VSTM2L: variants seen among roughly 807,000 people sequenced by gnomAD.
VSTM2L encodes the protein V-set and transmembrane domain containing 2 like.
In VSTM2L, 9 loss-of-function variants were observed where a neutral mutation model predicts 19.9. The observed-to-expected ratio is 0.45, with a 90% CI of 0.27 to 0.79. VSTM2L has a LOEUF of 0.79. Ranked by LOEUF, VSTM2L falls within the 30% of genes least tolerant of loss-of-function variation. The pLI, the probability that VSTM2L is intolerant of heterozygous loss-of-function variation, is 0.15. For missense variants in VSTM2L, 286 were observed against 295.5 expected, an observed-to-expected ratio of 0.97 and a Z score of 0.24; for synonymous variants, 127 against 133.8, an observed-to-expected ratio of 0.95 and a Z score of 0.35.
rs534340826 is a variant in VSTM2L, at chr20:37,920,209, G to A, written c.122-11426G>A. On this transcript the variant is annotated intron_variant, in intron 1 of 3. Transcript: ENST00000373461. ...GGTCTGGGTTTGAATCCCAGCTCCTGCTCCTGACTTGCAGTGTGACCTTGT... is the reference window on the plus strand; with the variant it reads ...GGTCTGGGTTTGAATCCCAGCTCCTACTCCTGACTTGCAGTGTGACCTTGT... Among the ~76,000 whole-genome samples, 16 of 152,362 alleles carry A rather than the reference G, an allele frequency of 1.1e-4. No individual in the cohort carries two copies. The South Asian group carries it at 2.7e-3, about 26-fold the overall frequency.
chr20:37,918,163 A>G (rs1308131291), intron 1 of VSTM2L, among the ~76,000 whole-genome samples: 1 of 152,192 alleles, frequency 6.6e-6, no homozygotes, highest in Non-Finnish European at 1.5e-5. Flanking sequence ...CCACACTGGA[A>G]GAATCGGCAA....
intron 1 of VSTM2L, among the ~76,000 whole-genome samples, chr20:37,929,099 T>A (rs1353315227): frequency 1.3e-5 from 2 of 151,978 alleles, no homozygotes; most frequent in Non-Finnish European, 2.9e-5. Flanking sequence ...AGTGCCGGGT[T>A]TAAATGAGGT....
intron 1 of VSTM2L, among the ~76,000 whole-genome samples, chr20:37,925,647 T>C (rs2072875385): frequency 6.6e-6 from 1 of 152,208 alleles, no homozygotes; most frequent in African/African-American, 2.4e-5. Context: ...CACTGCCTCC[T>C]TCACTACCGA....
chr20:37,922,701 G>C (rs1044233181), intron 1 of VSTM2L, among the ~76,000 whole-genome samples: 1 of 152,186 alleles, frequency 6.6e-6, no homozygotes, highest in Non-Finnish European at 1.5e-5. Flanking sequence ...TGTGCAGAGG[G>C]AGACAGGAGA....
In VSTM2L at chr20:37,944,135, G is replaced by C. The variant is rs1193449763; in HGVS notation, c.497G>C (p.Gly166Ala). ...KVKAYLRVQP[G>A]ENSVLHLPEA... ...AAGGCCTACCTGCGGGTGCAGCCAG[G>C]GGAGAACTCCGTCCTGCATCTGCCC... Residue 166 changes from glycine (G) to alanine (A), a missense_variant, in exon 4 of 4, where the codon GGG (glycine) becomes GCG (alanine). By Grantham distance (60) the Gly-to-Ala change is moderately conservative. Coordinates refer to ENST00000373461, the MANE Select transcript of VSTM2L (RefSeq NM_080607.3). 6.2e-7 allele frequency: 1 copy of C among 1,609,644 alleles called. No homozygotes were observed. Among genetic ancestry groups the C allele is most frequent in the Non-Finnish European group, 8.5e-7 (1 of 1,177,914 alleles).
At chr20:37,935,994 C>T (rs1266656616) in intron 3 of VSTM2L, among the ~76,000 whole-genome samples, 1 of 151,376 alleles carries the variant, frequency 6.6e-6, no homozygotes, top group African/African-American at 2.4e-5. Context: ...GAGAAATTCT[C>T]CTGCTTCAGC....
intron 2 of VSTM2L, among the ~76,000 whole-genome samples, chr20:37,932,922 C>T (rs899361283): frequency 3.9e-5 from 6 of 152,336 alleles, no homozygotes; most frequent in African/African-American, 1.4e-4. Flanking sequence ...GAAAGAGTGT[C>T]TCACATGTGC....
In VSTM2L at chr20:37,944,436, C is replaced by A; in HGVS notation, c.*183C>A. ...AGCATGTAAGCCCCACCCACCCCTG[C>A]CCTTTCAGACCCCTGCGGTGACCTG... is the stretch of plus-strand genomic sequence containing the variant. On this transcript the variant is annotated 3_prime_UTR_variant, in exon 4 of 4. Coordinates refer to ENST00000373461, the MANE Select transcript of VSTM2L (RefSeq NM_080607.3). The A allele has an allele frequency of 2.7e-6, 3 of 1,125,792 alleles. No homozygotes were observed. Among genetic ancestry groups the A allele is most frequent in the Non-Finnish European group, 3.5e-6 (3 of 864,710 alleles). 69.7% of individuals were successfully genotyped at this position (1,125,792 alleles called of 1,614,324 possible).
intron 3 of VSTM2L, among the ~76,000 whole-genome samples, chr20:37,940,050 T>C (rs1306138782): frequency 6.6e-6 from 1 of 152,182 alleles, no homozygotes; most frequent in East Asian, 1.9e-4. Flanking sequence ...GGGCCTCGCT[T>C]GGTGCTCCCT....
At chr20:37,939,485 C>T (rs530391655) in intron 3 of VSTM2L, among the ~76,000 whole-genome samples, 1 of 152,310 alleles carries the variant, frequency 6.6e-6, no homozygotes, top group Non-Finnish European at 1.5e-5. Context: ...ATCACATCAT[C>T]TCACAGTGAT....
In VSTM2L at chr20:37,917,003, C is replaced by T. The variant is rs139559398; in HGVS notation, c.121+13532C>T. 6.5e-3 allele frequency among the ~76,000 whole-genome samples: 985 copies of T among 152,244 alleles called. 4 individuals carry two copies. Among genetic ancestry groups the T allele is most frequent in the Non-Finnish European group, 9.5e-3 (649 of 68,024 alleles). On this transcript the variant is annotated intron_variant, in intron 1 of 3. Coordinates refer to ENST00000373461, the MANE Select transcript of VSTM2L (RefSeq NM_080607.3). ...CATTGTGAATGCACTAGATGCGACTCAATTGTCCACTTTAAAGTGGTTAAT... is the reference window on the plus strand; with the variant it reads ...CATTGTGAATGCACTAGATGCGACTTAATTGTCCACTTTAAAGTGGTTAAT...
intron 1 of VSTM2L, among the ~76,000 whole-genome samples, chr20:37,923,699 C>T: frequency 6.6e-6 from 1 of 152,104 alleles, no homozygotes; most frequent in East Asian, 1.9e-4. Context: ...CCAGACTCAG[C>T]AGTGATGCTC....
In VSTM2L at chr20:37,937,741, T is replaced by A. The variant is rs536646615; in HGVS notation, c.342+4152T>A. On this transcript the variant is annotated intron_variant, in intron 3 of 3. Coordinates refer to ENST00000373461, the MANE Select transcript of VSTM2L (RefSeq NM_080607.3). ...CTCTCAGTCCACTGTGAGAGACGGGTGTTAATCCAATAATCATGCATGATA... is the reference window on the plus strand; with the variant it reads ...CTCTCAGTCCACTGTGAGAGACGGGAGTTAATCCAATAATCATGCATGATA... 5.4e-4 allele frequency among the ~76,000 whole-genome samples: 82 copies of A among 152,184 alleles called. 1 individual carries two copies. The Middle Eastern group carries it at 0.01, about 19-fold the overall frequency.
intron 1 of VSTM2L, among the ~76,000 whole-genome samples, chr20:37,927,767 G>A (rs770335810): frequency 7.2e-5 from 11 of 152,230 alleles, no homozygotes; most frequent in Non-Finnish European, 1.6e-4. Context: ...GGCCCTTTCC[G>A]AGGAGACCCC....
At position 37,945,151 on chromosome 20, in the gene VSTM2L, A is replaced by G; in HGVS notation, c.*898A>G. 1.0e-6 allele frequency: 1 copy of G among 985,578 alleles called. No individual in the cohort carries two copies. The highest frequency in any genetic ancestry group is 1.2e-6 in the Non-Finnish European group (1 of 829,910). The allele number at this position is 985,578 out of a possible 1,614,324, so 61.1% of individuals were successfully genotyped here. ...CCTCACGATTCCCGATCACGGGCAC[A>G]CCTGCCCCCTGGTTATTTGTAAATA... On this transcript the variant is annotated 3_prime_UTR_variant, in exon 4 of 4. Transcript: ENST00000373461.
At chr20:37,941,853 G>GC (rs2072973945) in intron 3 of VSTM2L, among the ~76,000 whole-genome samples, 1 of 149,620 alleles carries the variant, frequency 6.7e-6, no homozygotes, top group Non-Finnish European at 1.5e-5. Flanking sequence ...AAGGAAAGAA[G>GC]CCCCCTCCCA....
At chr20:37,924,484 G>A (rs1015951152) in intron 1 of VSTM2L, among the ~76,000 whole-genome samples, 2 of 149,132 alleles carry the variant, frequency 1.3e-5, no homozygotes, top group Non-Finnish European at 1.5e-5. Flanking sequence ...AACCTGGGAA[G>A]CAGAGGTTGC....
At chr20:37,934,557 G>T (rs1360007093) in intron 3 of VSTM2L, among the ~76,000 whole-genome samples, 2 of 152,204 alleles carry the variant, frequency 1.3e-5, no homozygotes, top group South Asian at 2.1e-4. Context: ...CCTCGCATGC[G>T]CATGGCGGGG....
intron 1 of VSTM2L, among the ~76,000 whole-genome samples, chr20:37,921,258 T>A (rs1568837460): frequency 6.6e-6 from 1 of 152,070 alleles, no homozygotes; most frequent in Non-Finnish European, 1.5e-5. Context: ...GCAGGCTGTG[T>A]CCTTAGGGGG....
Sources: allele counts gnomAD v4.1 joint callset (sites outside exome capture counted in the v4.1 genomes callset), GRCh38; gene constraint gnomAD v4.1.1; transcripts MANE v1.5; gene names NCBI Gene and HGNC (gene_info 2026-07-23, HGNC 2026-07-21).